Variants in KIAA1549L observed in about 807,000 individuals in gnomAD.
KIAA1549L encodes the protein UPF0606 protein KIAA1549L.
In KIAA1549L, 88 loss-of-function variants were observed where a neutral mutation model predicts 160.7. The observed-to-expected ratio is 0.55, with a 90% confidence interval of 0.46 to 0.65. KIAA1549L has a LOEUF of 0.65. Ranked by LOEUF, KIAA1549L falls within the 30% of genes least tolerant of loss-of-function variation. The pLI is 0.00. For missense variants in KIAA1549L, 2,258 were observed against 2,437.5 expected (o/e 0.93, Z 1.55); for synonymous variants, 950 against 976.7 (o/e 0.97, Z 0.51).
intron 1 of KIAA1549L, among the ~76,000 whole-genome samples, chr11:33,528,908 A>G (rs761392989): frequency 2.0e-5 from 3 of 152,222 alleles, no homozygotes; most frequent in African/African-American, 4.8e-5. Context: ...AATCTCAGAA[A>G]TCACCACTAA....
chr11:33,651,587 G>A (rs1001477736), intron 17 of KIAA1549L, among the ~76,000 whole-genome samples: 1 of 151,990 alleles, frequency 6.6e-6, no homozygotes, highest in African/African-American at 2.4e-5. Context: ...AAATTCTTTG[G>A]GACCCCTTTA....
At chr11:33,651,846 C>G (rs1851898078) in intron 17 of KIAA1549L, among the ~76,000 whole-genome samples, 1 of 81,392 alleles carries the variant, frequency 1.2e-5, no homozygotes, top group East Asian at 5.1e-4. Context: ...GGTCCCCTCC[C>G]CCTCCCATTC....
chr11:33,531,868 C>T (rs1307188378), intron 1 of KIAA1549L, among the ~76,000 whole-genome samples: 3 of 152,100 alleles, frequency 2.0e-5, no homozygotes, highest in South Asian at 2.1e-4. Context: ...GGAAGCCTGA[C>T]GGGTCTTGGT....
intron 16 of KIAA1549L, among the ~76,000 whole-genome samples, chr11:33,625,591 C>A (rs1289202977): frequency 6.6e-6 from 1 of 152,016 alleles, no homozygotes; most frequent in Admixed American, 6.6e-5. Context: ...CCTTTGCCCA[C>A]TTTTTGATGG....
At chr11:33,473,860 G>A (rs919016472) in intron 1 of KIAA1549L, among the ~76,000 whole-genome samples, 5 of 152,118 alleles carry the variant, frequency 3.3e-5, no homozygotes, top group Non-Finnish European at 5.9e-5. Flanking sequence ...ATCTGTTTTT[G>A]TGTTACTATA....
At chr11:33,412,607 G>T (rs985282914) in intron 1 of KIAA1549L, among the ~76,000 whole-genome samples, 1 of 152,186 alleles carries the variant, frequency 6.6e-6, no homozygotes, top group Non-Finnish European at 1.5e-5. Context: ...TTAACCAGCT[G>T]GCTGCATTAA....
At chr11:33,413,798 A>G (rs1012237978) in intron 1 of KIAA1549L, among the ~76,000 whole-genome samples, 7 of 152,176 alleles carry the variant, frequency 4.6e-5, no homozygotes, top group African/African-American at 1.7e-4. Context: ...GCTGAAGTGG[A>G]CTTCTATAGC....
chr11:33,601,220 T>C (rs1439083586), intron 13 of KIAA1549L, among the ~76,000 whole-genome samples: 3 of 152,116 alleles, frequency 2.0e-5, no homozygotes, highest in Non-Finnish European at 4.4e-5. Flanking sequence ...ACCCAGTGAA[T>C]TTGGGGGGCT....
intron 1 of KIAA1549L, among the ~76,000 whole-genome samples, chr11:33,435,796 A>ATGTGTGTGTGTGTGTGTGTGTGTG (rs1394942738): frequency 8.7e-5 from 3 of 34,662 alleles, no homozygotes; most frequent in South Asian, 2.2e-3. Context: ...ATATATATAT[A>ATGTGTGTGTGTGTGTGTGTGTGTG]TATATATATA....
chr11:33,412,203 T>TA lies in KIAA1549L; in HGVS notation c.238+35314_238+35315insA, dbSNP rs1350700501. Among the ~76,000 whole-genome samples the TA allele has an allele frequency of 3.6e-4, 55 of 152,356 alleles. No homozygotes were observed. In the Middle Eastern group the frequency reaches 0.017, roughly 47 times the overall value. ...GTCAATAAAAACGGTGATGCTTAAA[T>TA]CAGCTAATGCTCTATTTCTTACATG... On this transcript the variant is annotated intron_variant, in intron 1 of 20. Coordinates refer to ENST00000658780, the MANE Select transcript of KIAA1549L (RefSeq NM_012194.3).
At chr11:33,456,512 G>C (rs911454777) in intron 1 of KIAA1549L, among the ~76,000 whole-genome samples, 3 of 152,022 alleles carry the variant, frequency 2.0e-5, no homozygotes, top group Non-Finnish European at 4.4e-5. Context: ...CCACACTGAG[G>C]TGATCCTCTC....
chr11:33,526,768 A>T (rs967038694), intron 1 of KIAA1549L, among the ~76,000 whole-genome samples: 1 of 152,198 alleles, frequency 6.6e-6, no homozygotes, highest in African/African-American at 2.4e-5. Context: ...CTAAAAGACC[A>T]CATTAGCTCT....
At chr11:33,556,538 A>G (rs1854653311) in intron 6 of KIAA1549L, among the ~76,000 whole-genome samples, 1 of 152,246 alleles carries the variant, frequency 6.6e-6, no homozygotes, top group Non-Finnish European at 1.5e-5. Context: ...GGAAATTCTG[A>G]TGCATGCTAC....
intron 16 of KIAA1549L, among the ~76,000 whole-genome samples, chr11:33,624,576 G>GA (rs999772135): frequency 6.6e-5 from 10 of 151,594 alleles, no homozygotes; most frequent in South Asian, 2.1e-4. Flanking sequence ...AAAGAAAAAG[G>GA]AAAAAAAACT....
intron 16 of KIAA1549L, among the ~76,000 whole-genome samples, chr11:33,637,732 C>T (rs1477975490): frequency 1.3e-5 from 2 of 152,202 alleles, no homozygotes; most frequent in South Asian, 2.1e-4. Context: ...ATATCGGCTT[C>T]CCTTTGTACA....
At chr11:33,577,892 G>A (rs75759632) in intron 10 of KIAA1549L, among the ~76,000 whole-genome samples, 1,560 of 152,278 alleles carry the variant, frequency 0.01, 19 homozygotes, top group African/African-American at 0.035. Context: ...TTATGCACCT[G>A]GCTCAGTGTC....
At position 33,574,791 on chromosome 11, in the gene KIAA1549L, C is replaced by A. The variant is rs557978572; in HGVS notation, c.4320C>A (p.Thr1440=). ...TLYNGKPLLG[T]AAAKILSTID... is the part of the protein sequence containing the mutation. ...ACAACGGGAAGCCTTTGTTGGGGAC[C>A]GCAGCTGCCAAGATCCTGAGCACCA... Residue 1440 remains threonine (T), a synonymous_variant, in exon 10 of 21, where the codon ACC becomes ACA. Coordinates refer to ENST00000658780, the MANE Select transcript of KIAA1549L (RefSeq NM_012194.3). The A allele has an allele frequency of 3.1e-6, 5 of 1,613,832 alleles. No homozygotes were observed. Among genetic ancestry groups the A allele is most frequent in the African/African-American group, 1.3e-5 (1 of 74,928 alleles).
At chr11:33,591,607 G>A (rs1225294845) in intron 12 of KIAA1549L, among the ~76,000 whole-genome samples, 186 bp downstream of exon 12, 1 of 152,324 alleles carries the variant, frequency 6.6e-6, no homozygotes. Context: ...CCTGGGCTAC[G>A]CTTTGTAAGG....
chr11:33,611,597 G>A (rs1488388410), intron 15 of KIAA1549L, among the ~76,000 whole-genome samples: 1 of 152,038 alleles, frequency 6.6e-6, no homozygotes, highest in Non-Finnish European at 1.5e-5. Context: ...AGAAAAAAAA[G>A]AAAAAAGTTG....
Sources: gnomAD v4.1 joint callset for allele counts (sites outside exome capture counted in the v4.1 genomes callset) on GRCh38, gnomAD v4.1.1 for gene constraint, MANE v1.5 for transcripts, NCBI Gene and HGNC (gene_info 2026-07-23, HGNC 2026-07-21) for gene names.